The following HSD17B12 variants were observed in gnomAD, a reference collection of about 807,000 sequenced individuals.
HSD17B12 encodes the protein very-long-chain 3-oxoacyl-CoA reductase.
HSD17B12 carries 32 observed loss-of-function variants against 39.3 expected under a neutral mutation model. The observed-to-expected ratio is 0.81, with a 90% CI of 0.61 to 1.09. HSD17B12 has a LOEUF of 1.09. Ranked by LOEUF, HSD17B12 falls within the 50% of genes least tolerant of loss-of-function variation. HSD17B12 has a pLI of 0.00. For synonymous variants in HSD17B12, 150 were observed against 146.7 expected (o/e 1.02, Z -0.16); for missense variants, 342 against 382.9 (o/e 0.89, Z 0.89).
intron 1 of HSD17B12, among the ~76,000 whole-genome samples, chr11:43,682,061 C>T (rs755539803): frequency 2.0e-5 from 3 of 152,114 alleles, no homozygotes; most frequent in Non-Finnish European, 4.4e-5. Flanking sequence ...GTAAGATACA[C>T]TAATAATGTT....
intron 1 of HSD17B12, among the ~76,000 whole-genome samples, chr11:43,708,201 G>A (rs566848241): frequency 6.2e-4 from 95 of 152,258 alleles, no homozygotes; most frequent in African/African-American, 2.1e-3. Flanking sequence ...CAGCATAGAG[G>A]TAATCACATT....
the HSD17B12 span, among the ~76,000 whole-genome samples, chr11:43,577,994 T>C: frequency 6.6e-6 from 1 of 151,598 alleles, no homozygotes; most frequent in East Asian, 1.9e-4. Context: ...GCCAGACAGG[T>C]GAGGAGGGAG....
intron 4 of HSD17B12, among the ~76,000 whole-genome samples, chr11:43,803,310 C>T (rs1950988475): frequency 1.3e-5 from 2 of 152,100 alleles, no homozygotes; most frequent in South Asian, 4.1e-4. Flanking sequence ...CTCCCGCATC[C>T]CCATCCAGAT....
intron 1 of HSD17B12, among the ~76,000 whole-genome samples, chr11:43,718,208 T>C (rs562157928): frequency 6.6e-6 from 1 of 152,330 alleles, no homozygotes; most frequent in Non-Finnish European, 1.5e-5. Flanking sequence ...CAAGTTCCTA[T>C]AGCGAAGTGG....
At chr11:43,782,267 G>T (rs961406328) in intron 3 of HSD17B12, among the ~76,000 whole-genome samples, 3 of 152,168 alleles carry the variant, frequency 2.0e-5, no homozygotes, top group African/African-American at 7.2e-5. Context: ...CAGCATAGAT[G>T]TCAAAGATAC....
At chr11:43,703,281 G>A (rs956459777) in intron 1 of HSD17B12, among the ~76,000 whole-genome samples, 29 of 151,558 alleles carry the variant, frequency 1.9e-4, no homozygotes, top group African/African-American at 6.1e-4. Flanking sequence ...TGCAAGCTCC[G>A]CCTCCCGGGT....
intron 1 of HSD17B12, among the ~76,000 whole-genome samples, chr11:43,731,745 G>T (rs997061266): frequency 9.2e-5 from 14 of 152,170 alleles, no homozygotes; most frequent in African/African-American, 3.4e-4. Flanking sequence ...GCTGGGCAGG[G>T]TGGCCAAATA....
intron 9 of HSD17B12, among the ~76,000 whole-genome samples, chr11:43,842,057 CT>C (rs1172812386): frequency 6.6e-6 from 1 of 152,144 alleles, no homozygotes; most frequent in Non-Finnish European, 1.5e-5. Context: ...AAATCTGGGT[CT>C]GTTTGGCACT....
the HSD17B12 span, chr11:43,581,496 A>T: frequency 2.0e-6 from 1 of 495,024 alleles, no homozygotes; most frequent in African/African-American, 1.9e-5. This position sits in a 1 kb window ranked among gnomAD's most constrained non-coding sequence, Gnocchi z 4.9. Context: ...CTCGTCGAGA[A>T]GACGGCAGCC....
chr11:43,628,102 T>G, the HSD17B12 span, among the ~76,000 whole-genome samples: 1 of 151,918 alleles, frequency 6.6e-6, no homozygotes, highest in African/African-American at 2.4e-5. Context: ...TACCCCATTT[T>G]GCTGAAGAAA....
At chr11:43,808,163 A>G (rs536572514) in intron 4 of HSD17B12, among the ~76,000 whole-genome samples, 1 of 152,312 alleles carries the variant, frequency 6.6e-6, no homozygotes, top group East Asian at 1.9e-4. Context: ...TGAGAAAGCC[A>G]TGTAGGAATT....
At chr11:43,646,019 G>T in the HSD17B12 span, 1 of 152,212 alleles carries the variant, frequency 6.6e-6, no homozygotes, top group Non-Finnish European at 1.5e-5. Flanking sequence ...TGTGGCAGGT[G>T]CCTGTAGTCC....
chr11:43,721,764 T>G (rs184461972), intron 1 of HSD17B12, among the ~76,000 whole-genome samples: 1 of 152,272 alleles, frequency 6.6e-6, no homozygotes, highest in Admixed American at 6.5e-5. Context: ...AACGAGGTCA[T>G]GAAATATCCT....
At chr11:43,793,735 A>G (rs1434749361) in intron 3 of HSD17B12, among the ~76,000 whole-genome samples, 2 of 152,118 alleles carry the variant, frequency 1.3e-5, no homozygotes, top group East Asian at 1.9e-4. Context: ...TCAATTCCAG[A>G]CTTGACCTTG....
At chr11:43,847,568 G>T (rs570279698) in intron 9 of HSD17B12, among the ~76,000 whole-genome samples, 1 of 151,862 alleles carries the variant, frequency 6.6e-6, no homozygotes, top group East Asian at 1.9e-4. Flanking sequence ...TTAGCTGGGC[G>T]TGGTGGTGCA....
At chr11:43,702,843 T>C (rs1454090708) in intron 1 of HSD17B12, among the ~76,000 whole-genome samples, 1 of 152,194 alleles carries the variant, frequency 6.6e-6, no homozygotes, top group Non-Finnish European at 1.5e-5. Context: ...CATCAGCTAT[T>C]GTTAATGTTA....
chr11:43,688,584 A>G (rs1303104898), intron 1 of HSD17B12, among the ~76,000 whole-genome samples: 2 of 152,242 alleles, frequency 1.3e-5, no homozygotes, highest in Admixed American at 6.5e-5. Context: ...CTGGAAAGTT[A>G]TCTTTGCCAC....
intron 3 of HSD17B12, among the ~76,000 whole-genome samples, chr11:43,774,138 C>A (rs1950675943): frequency 6.6e-6 from 1 of 152,074 alleles, no homozygotes; most frequent in Non-Finnish European, 1.5e-5. Flanking sequence ...CGCTGTAGGG[C>A]AAGCTCAGGG....
At chr11:43,757,405 G>A (rs1205028150) in intron 3 of HSD17B12, among the ~76,000 whole-genome samples, 1 of 150,186 alleles carries the variant, frequency 6.7e-6, no homozygotes, top group Non-Finnish European at 1.5e-5. Context: ...AGGCCGAGGC[G>A]GGTGGATCAT....
Sources: gnomAD v4.1 joint callset for allele counts (sites outside exome capture counted in the v4.1 genomes callset) on GRCh38, gnomAD v4.1.1 for gene constraint, Gnocchi (gnomAD v3.1) non-coding constraint, MANE v1.5 for transcripts, NCBI Gene and HGNC (gene_info 2026-07-23, HGNC 2026-07-21) for gene names.